Variants in SYN2 observed in about 807,000 individuals in gnomAD.
SYN2 encodes the protein synapsin II.
A neutral mutation model predicts 50.9 loss-of-function variants in SYN2; 19 were observed. The ratio of observed to expected loss-of-function variants is 0.37; its 90% CI spans 0.26 to 0.55. The LOEUF (loss-of-function observed/expected upper bound fraction) is 0.55, where lower values mean the gene tolerates loss of function less well. Ranked by LOEUF, SYN2 falls within the 20% of genes least tolerant of loss-of-function variation. The probability of loss-of-function intolerance (pLI) is 0.81; values close to 1 mark genes in which losing one functional copy is unlikely to be tolerated. For missense variants in SYN2, 587 were observed against 576.4 expected, an observed-to-expected ratio of 1.02 and a Z score of -0.19; for synonymous variants, 255 against 224.9, an observed-to-expected ratio of 1.13 and a Z score of -1.20.
At chr3:12,100,567 A>G (rs1696050631) in intron 1 of SYN2, among the ~76,000 whole-genome samples, 1 of 152,208 alleles carries the variant, frequency 6.6e-6, no homozygotes, top group Admixed American at 6.5e-5. Context: ...ATTAGATAAT[A>G]GTTTCTTAGA....
chr3:12,167,243 G>T lies in SYN2; in HGVS notation c.990G>T (p.Ser330=). 6.2e-7 allele frequency: 1 copy of T among 1,612,834 alleles called. No homozygotes were observed. Among genetic ancestry groups the T allele is most frequent in the Non-Finnish European group, 8.5e-7 (1 of 1,179,558 alleles). ...GNNYKAYMRT[S]ISGNWKTNTG... ...TGGGATCTTGTTGCAGGAGGACATC[G>T]ATCTCAGGGAACTGGAAGACGAACA... Residue 330 remains serine, a synonymous_variant, in exon 8 of 13, where the codon TCG becomes TCT. Coordinates refer to ENST00000621198, the MANE Select transcript of SYN2 (RefSeq NM_133625.6).
At chr3:12,023,098 T>A (rs1694180415) in intron 1 of SYN2, among the ~76,000 whole-genome samples, 1 of 152,082 alleles carries the variant, frequency 6.6e-6, no homozygotes, top group Admixed American at 6.5e-5. Context: ...AGCCTTGGTG[T>A]CCTTATATGT....
chr3:12,129,143 A>G (rs928417767), intron 1 of SYN2, among the ~76,000 whole-genome samples: 4 of 152,216 alleles, frequency 2.6e-5, no homozygotes, highest in Non-Finnish European at 4.4e-5. Flanking sequence ...TATTATGAAG[A>G]TAATATAGAG....
chr3:12,041,697 A>G (rs1235683066), intron 1 of SYN2, among the ~76,000 whole-genome samples: 4 of 152,148 alleles, frequency 2.6e-5, no homozygotes, highest in Non-Finnish European at 1.5e-5. Context: ...TTTTTTCCAT[A>G]AAGCCCTGCT....
Position 12,145,698 on chromosome 3 carries a change from G to C in SYN2, c.547G>C (p.Val183Leu), listed in dbSNP as rs548591048. The change falls in exon 4 of 13, where the codon GTG (valine) becomes CTG (leucine). Residue 183 changes from valine (V) to leucine (L), a missense_variant. Transcript: ENST00000621198. The stretch of plus-strand genomic sequence containing the variant: ...CACCAGGTCCTTCCGGCCAGACTTC[G>C]TGCTCATCCGGCAGCATGCATTTGG... ...KVVRSFRPDF[V>L]LIRQHAFGMA... is the part of the protein sequence containing the mutation. 3 of 1,613,986 alleles carry C rather than the reference G, an allele frequency of 1.9e-6. No individual in the cohort carries two copies. Among genetic ancestry groups the C allele is most frequent in the South Asian group, 1.1e-5 (1 of 91,082 alleles).
At chr3:12,074,324 T>A (rs950727289) in intron 1 of SYN2, among the ~76,000 whole-genome samples, 1 of 152,204 alleles carries the variant, frequency 6.6e-6, no homozygotes, top group South Asian at 2.1e-4. Flanking sequence ...TAATTACTGA[T>A]GTTAGATTTA....
chr3:12,157,301 G>T, intron 5 of SYN2: 1 of 1,345,728 alleles, frequency 7.4e-7, no homozygotes, highest in Non-Finnish European at 1.1e-6. Context: ...CAGGCCACCT[G>T]AAAGCTACCA....
intron 1 of SYN2, among the ~76,000 whole-genome samples, chr3:12,108,803 G>A (rs370849298): frequency 2.7e-5 from 2 of 75,182 alleles, no homozygotes; most frequent in African/African-American, 6.3e-5. Flanking sequence ...TTTGTTGGTT[G>A]GGTTTAAAAA....
intron 1 of SYN2, among the ~76,000 whole-genome samples, chr3:12,101,657 A>G (rs1696078592): frequency 6.6e-6 from 1 of 152,192 alleles, no homozygotes; most frequent in South Asian, 2.1e-4. Context: ...ATGTCTTTAA[A>G]AAAGGGATAC....
At chr3:12,172,309 T>A (rs1697954412) in intron 10 of SYN2, among the ~76,000 whole-genome samples, 1 of 152,220 alleles carries the variant, frequency 6.6e-6, no homozygotes, top group African/African-American at 2.4e-5. Context: ...CTGCAAAGTC[T>A]GAAAGCACAA....
chr3:12,034,891 A>G (rs191562238), intron 1 of SYN2, among the ~76,000 whole-genome samples: 9 of 152,300 alleles, frequency 5.9e-5, no homozygotes, highest in African/African-American at 1.9e-4. Flanking sequence ...ATGGCCTTCA[A>G]AGTTTTAACT....
chr3:12,168,493 A>G lies in SYN2; in HGVS notation c.1158+15A>G, dbSNP rs371726386. 2.5e-6 allele frequency: 4 copies of G among 1,607,446 alleles called. No homozygotes were observed. The South Asian group carries it at 3.3e-5, about 13-fold the overall frequency. On this transcript the variant is annotated intron_variant, in intron 9 of 12. Transcript: ENST00000621198. The stretch of plus-strand genomic sequence containing the variant: ...ACATTTTTGAGGTAAGTCTGGACCA[A>G]GCAGTAAGAGGTAACTCCTAAGGCT...
intron 1 of SYN2, among the ~76,000 whole-genome samples, chr3:12,048,329 A>G (rs1019689696): frequency 6.6e-6 from 1 of 151,980 alleles, no homozygotes; most frequent in Non-Finnish European, 1.5e-5. Flanking sequence ...CACCATGCCC[A>G]GCTAATTTTT....
intron 1 of SYN2, among the ~76,000 whole-genome samples, chr3:12,032,024 G>T (rs1694392474): frequency 7.0e-6 from 1 of 142,936 alleles, no homozygotes; most frequent in South Asian, 2.5e-4. Context: ...GGTACCGGTT[G>T]TTCCTTTCCA....
chr3:12,183,582 A>G, intron 11 of SYN2: 3 of 1,490,934 alleles, frequency 2.0e-6, no homozygotes, highest in Non-Finnish European at 2.7e-6. Context: ...TTTCCTATGC[A>G]GTGTCAGCTC....
At chr3:12,062,147 TATGATG>T (rs201533926) in intron 1 of SYN2, among the ~76,000 whole-genome samples, 1 of 151,602 alleles carries the variant, frequency 6.6e-6, no homozygotes, top group African/African-American at 2.4e-5. Context: ...ATCCATGCAG[TATGATG>T]ATGATGATGA....
chr3:12,157,615 C>T lies in SYN2; in HGVS notation c.775-3931C>T, dbSNP rs41293377. 8.1e-4 allele frequency: 628 copies of T among 770,656 alleles called. 2 individuals carry two copies. The highest frequency in any genetic ancestry group is 7.8e-3 in the African/African-American group (453 of 57,844). The allele number at this position is 770,656 out of a possible 1,614,324, so 47.7% of individuals were successfully genotyped here. A position where few individuals can be genotyped will look rare whatever the true frequency, so the allele number is the denominator to read the frequency against. ...TTTGGTGTGGCTGGGTTGTGAGCAA[C>T]GTGATGTGTGAGAAGGGGGACCTGG... On this transcript the variant is annotated intron_variant, in intron 5 of 12. Coordinates refer to ENST00000621198, the MANE Select transcript of SYN2 (RefSeq NM_133625.6).
At chr3:12,065,120 TC>T in intron 1 of SYN2, among the ~76,000 whole-genome samples, 1 of 152,144 alleles carries the variant, frequency 6.6e-6, no homozygotes, top group Admixed American at 6.5e-5. Context: ...GTAACAATCA[TC>T]AAATAAATGC....
At position 12,083,726 on chromosome 3, in the gene SYN2, G is replaced by C. The variant is rs533220372; in HGVS notation, c.378-56925G>C. ...GGCACTTCATCATCTGTTCTACCTA[G>C]TGGTCTCTGGTGAGAATGATGGAGC... On this transcript the variant is annotated intron_variant, in intron 1 of 12. Coordinates refer to ENST00000621198, the MANE Select transcript of SYN2 (RefSeq NM_133625.6). Among the ~76,000 whole-genome samples the C allele has an allele frequency of 2.5e-3, 386 of 152,300 alleles. 2 individuals carry two copies. The highest frequency in any genetic ancestry group is 8.8e-3 in the African/African-American group (364 of 41,560).
Sources: gnomAD v4.1 joint callset for allele counts (sites outside exome capture counted in the v4.1 genomes callset) on GRCh38, gnomAD v4.1.1 for gene constraint, MANE v1.5 for transcripts, NCBI Gene and HGNC (gene_info 2026-07-23, HGNC 2026-07-21) for gene names.